The following FRMPD1 variants were observed in gnomAD, a reference collection of about 807,000 sequenced individuals.
FRMPD1 encodes the protein FERM and PDZ domain containing 1.
FRMPD1 carries 76 observed loss-of-function variants against 117.8 expected under a neutral mutation model. The ratio of observed to expected loss-of-function variants is 0.65; its 90% confidence interval spans 0.54 to 0.78. The LOEUF (loss-of-function observed/expected upper bound fraction) is 0.78. Ranked by LOEUF, FRMPD1 falls within the 30% of genes least tolerant of loss-of-function variation. FRMPD1 has a pLI of 0.00. For missense variants in FRMPD1, 1,786 were observed against 1,964.5 expected, an observed-to-expected ratio of 0.91 and a Z score of 1.72; for synonymous variants, 783 against 770.4, an observed-to-expected ratio of 1.02 and a Z score of -0.27.
Position 37,737,221 on chromosome 9 carries a change from G to A in FRMPD1, c.1527G>A (p.Ala509=), listed in dbSNP as rs72724147. The change falls in exon 14 of 16, where the codon GCG becomes GCA. Residue 509 remains alanine, a synonymous_variant. Coordinates refer to ENST00000377765, the MANE Select transcript of FRMPD1 (RefSeq NM_014907.3). ...IFLWPGNKQQ[A]HRVSAEEGYE... is the part of the protein sequence containing the mutation. ...TCTGGCCTGGAAACAAACAACAAGC[G>A]CACCGGGTATCTGCAGAAGAAGGTG... 1.4e-3 allele frequency: 2,315 copies of A among 1,614,036 alleles called. 12 individuals carry two copies. The highest frequency in any genetic ancestry group is 8.6e-3 in the Middle Eastern group (52 of 6,062).
At chr9:37,651,455 C>T (rs561379392) in intron 1 of FRMPD1, among the ~76,000 whole-genome samples, 13 of 152,380 alleles carry the variant, frequency 8.5e-5, no homozygotes, top group African/African-American at 2.9e-4. Flanking sequence ...TCTGTCCGTC[C>T]TCGATGGCCA....
At chr9:37,658,682 C>T (rs117931606) in intron 1 of FRMPD1, among the ~76,000 whole-genome samples, 5,186 of 152,244 alleles carry the variant, frequency 0.034, 141 homozygotes, top group Middle Eastern at 0.068. Context: ...GTTGCCTCCT[C>T]CTGTCTGTTT....
chr9:37,692,892 C>A, intron 2 of FRMPD1, 150 bp downstream of exon 2: 1 of 644,896 alleles, frequency 1.6e-6, no homozygotes, highest in East Asian at 2.7e-5. Context: ...AACAGGTCAG[C>A]AATTTTGCTG....
chr9:37,605,691 T>G, the FRMPD1 span, among the ~76,000 whole-genome samples: 87 of 148,776 alleles, frequency 5.8e-4, no homozygotes, highest in Admixed American at 1.4e-3. Context: ...ATTTTATTTA[T>G]TTATTTATTT....
rs1330337583 is a variant in FRMPD1, at chr9:37,733,589, C to T, written c.1112C>T (p.Pro371Leu). 1 of 1,613,952 alleles carries T rather than the reference C, an allele frequency of 6.2e-7. No individual in the cohort carries two copies. The highest frequency in any genetic ancestry group is 1.7e-5 in the Admixed American group (1 of 59,976). Residue 371 changes from proline to leucine, a missense_variant, in exon 11 of 16, where the codon CCC (proline) becomes CTC (leucine). Pro to Leu is a moderately conservative substitution (Grantham distance 98). Transcript: ENST00000377765. ...AAGAGGAACCAGAATTTGCTGGAAC[C>T]CCGACAGAAGGTAATGAAGGTGCCT... ...HMKRNQNLLE[P>L]RQKQLISAAQ... is the part of the protein sequence containing the mutation.
chr9:37,732,583 C>G (rs1823938096), intron 10 of FRMPD1, 143 bp downstream of exon 10: 1 of 788,074 alleles, frequency 1.3e-6, no homozygotes, highest in Non-Finnish European at 1.9e-6. Flanking sequence ...TGCACCCTCT[C>G]TAATCTGACC....
chr9:37,676,126 G>A (rs1234078340), intron 1 of FRMPD1, among the ~76,000 whole-genome samples: 1 of 152,204 alleles, frequency 6.6e-6, no homozygotes, highest in African/African-American at 2.4e-5. Context: ...TGTACCCAGA[G>A]CATAGATATG....
At chr9:37,613,549 C>T in the FRMPD1 span, among the ~76,000 whole-genome samples, 2 of 152,108 alleles carry the variant, frequency 1.3e-5, no homozygotes, top group Non-Finnish European at 2.9e-5. Flanking sequence ...GCCTGGAGCT[C>T]GAAAACAGAG....
intron 13 of FRMPD1, among the ~76,000 whole-genome samples, chr9:37,735,994 C>A (rs72724146): frequency 0.19 from 27,506 of 145,814 alleles, 2,693 homozygotes; most frequent in Admixed American, 0.23. Context: ...AGATGGAGAA[C>A]ACCAGAGGAT....
At chr9:37,633,658 A>G in the FRMPD1 span, among the ~76,000 whole-genome samples, 1 of 152,278 alleles carries the variant, frequency 6.6e-6, no homozygotes, top group South Asian at 2.1e-4. Flanking sequence ...CCAGGAGTTC[A>G]AGACCAGCCT....
intron 1 of FRMPD1, chr9:37,661,985 T>C (rs10973468): frequency 0.11 from 16,434 of 154,720 alleles, 1,371 homozygotes; most frequent in African/African-American, 0.23. Flanking sequence ...GCCAGCCAGA[T>C]CAGCTGAATC....
At chr9:37,735,402 G>A in intron 12 of FRMPD1, 150 bp from the exon 13 acceptor site, 2 of 627,888 alleles carry the variant, frequency 3.2e-6, no homozygotes, top group East Asian at 5.2e-5. Flanking sequence ...CTGTTGATGG[G>A]GTCCAAGTTA....
intron 1 of FRMPD1, among the ~76,000 whole-genome samples, chr9:37,659,398 G>A (rs544572517): frequency 2.6e-5 from 4 of 152,284 alleles, no homozygotes; most frequent in African/African-American, 9.6e-5. Context: ...ATGTGGGTGG[G>A]GCCCTCAGGG....
At chr9:37,741,342 GAC>G (rs998521206) in intron 15 of FRMPD1, among the ~76,000 whole-genome samples, 29 of 151,836 alleles carry the variant, frequency 1.9e-4, no homozygotes, top group Admixed American at 1.2e-3. Flanking sequence ...AAGGGACCCT[GAC>G]ATCAGAAGGT....
intron 1 of FRMPD1, among the ~76,000 whole-genome samples, chr9:37,678,582 C>A (rs939548894): frequency 6.7e-6 from 1 of 149,082 alleles, no homozygotes; most frequent in Admixed American, 6.8e-5. Context: ...TTCTAACAGT[C>A]TTAATTTCCT....
upstream of FRMPD1, among the ~76,000 whole-genome samples, chr9:37,647,459 C>T (rs980968810): frequency 2.0e-5 from 3 of 150,412 alleles, no homozygotes; most frequent in African/African-American, 7.4e-5. Context: ...TTGCAGTGAG[C>T]CGAGATCGCG....
At chr9:37,626,581 G>C in the FRMPD1 span, among the ~76,000 whole-genome samples, 1 of 128,246 alleles carries the variant, frequency 7.8e-6, no homozygotes, top group African/African-American at 2.9e-5. Flanking sequence ...GAGCTCAGGA[G>C]TTTGAGACCA....
chr9:37,676,729 G>A (rs1019747838), intron 1 of FRMPD1, among the ~76,000 whole-genome samples: 31 of 152,138 alleles, frequency 2.0e-4, no homozygotes, highest in Admixed American at 1.8e-3. Context: ...ATTCTTGGCC[G>A]CCTGACAGCA....
intron 1 of FRMPD1, among the ~76,000 whole-genome samples, chr9:37,676,018 A>G (rs891981672): frequency 2.0e-4 from 30 of 152,234 alleles, no homozygotes; most frequent in African/African-American, 7.2e-4. Flanking sequence ...TGGGAATTAA[A>G]ATAGAAACAA....
Sources: allele counts gnomAD v4.1 joint callset (sites outside exome capture counted in the v4.1 genomes callset), GRCh38; gene constraint gnomAD v4.1.1; transcripts MANE v1.5; gene names NCBI Gene and HGNC (gene_info 2026-07-23, HGNC 2026-07-21).